Variants in MIPOL1 observed in about 807,000 individuals in gnomAD.
MIPOL1 encodes mirror-image polydactyly gene 1 protein.
In MIPOL1, 57 loss-of-function variants were observed where a neutral mutation model predicts 60.9. The ratio of observed to expected loss-of-function variants is 0.94; its 90% confidence interval spans 0.76 to 1.17. MIPOL1 has a LOEUF of 1.17. Ranked by LOEUF, MIPOL1 falls within the 50% of genes most tolerant of loss-of-function variation. The pLI, the probability that MIPOL1 is intolerant of heterozygous loss-of-function variation, is 0.00. For synonymous variants in MIPOL1, 179 were observed against 168.8 expected, an observed-to-expected ratio of 1.06 and a Z score of -0.47; for missense variants, 551 against 511.6, an observed-to-expected ratio of 1.08 and a Z score of -0.74.
intron 1 of MIPOL1, among the ~76,000 whole-genome samples, chr14:37,209,966 C>T (rs1966670534): frequency 6.6e-6 from 1 of 151,924 alleles, no homozygotes; most frequent in South Asian, 2.1e-4. Flanking sequence ...CCACCTTGGA[C>T]TCTCAAAGTA....
intron 11 of MIPOL1, among the ~76,000 whole-genome samples, chr14:37,482,982 C>G (rs2094893562): frequency 1.3e-5 from 2 of 152,086 alleles, no homozygotes; most frequent in African/African-American, 4.8e-5. Context: ...TATGCACATC[C>G]TCCTATATAC....
chr14:37,263,319 C>T (rs1230984123), intron 3 of MIPOL1, among the ~76,000 whole-genome samples: 1 of 152,102 alleles, frequency 6.6e-6, no homozygotes, highest in Non-Finnish European at 1.5e-5. Flanking sequence ...ATCCTCAAAG[C>T]ATACAATGCA....
At chr14:37,363,021 C>G (rs2092333312) in intron 9 of MIPOL1, among the ~76,000 whole-genome samples, 1 of 152,036 alleles carries the variant, frequency 6.6e-6, no homozygotes, top group Non-Finnish European at 1.5e-5. Flanking sequence ...AACCTTTTTT[C>G]AAGATTTTTA....
chr14:37,409,601 C>A (rs544629821), intron 10 of MIPOL1, among the ~76,000 whole-genome samples: 1 of 152,104 alleles, frequency 6.6e-6, no homozygotes, highest in Non-Finnish European at 1.5e-5. Context: ...TTCTGGCCAA[C>A]ATGGTGAAAC....
intron 1 of MIPOL1, among the ~76,000 whole-genome samples, chr14:37,222,485 G>C (rs148513652): frequency 1.3e-5 from 2 of 151,216 alleles, no homozygotes; most frequent in African/African-American, 4.9e-5. Context: ...ATTTTGCTTA[G>C]AAATTTCTTC....
At chr14:37,371,636 C>A (rs1212102007) in intron 10 of MIPOL1, among the ~76,000 whole-genome samples, 1 of 152,024 alleles carries the variant, frequency 6.6e-6, no homozygotes, top group Non-Finnish European at 1.5e-5. Context: ...TTCATTTAAG[C>A]TTGTTTTAAA....
chr14:37,507,133 A>G (rs1018666541), intron 12 of MIPOL1: 1 of 152,178 alleles, frequency 6.6e-6, no homozygotes, highest in Admixed American at 6.5e-5. Context: ...GTGGAGAAAT[A>G]GGAACGCTTT....
At chr14:37,328,653 AACAG>A (rs1196676590) in intron 9 of MIPOL1, among the ~76,000 whole-genome samples, 1 of 152,204 alleles carries the variant, frequency 6.6e-6, no homozygotes, top group Non-Finnish European at 1.5e-5. Context: ...TCATGTCAGT[AACAG>A]ACAGTTTTGG....
chr14:37,286,322 A>G (rs2084562033), intron 7 of MIPOL1, among the ~76,000 whole-genome samples: 1 of 152,170 alleles, frequency 6.6e-6, no homozygotes. Flanking sequence ...TCAAATTCTA[A>G]TGTACAATCT....
At chr14:37,316,849 G>A (rs2087962230) in intron 9 of MIPOL1, among the ~76,000 whole-genome samples, 1 of 151,946 alleles carries the variant, frequency 6.6e-6, no homozygotes, top group Admixed American at 6.6e-5. Context: ...GCAGTGGCAG[G>A]CACCTATAAT....
intron 12 of MIPOL1, among the ~76,000 whole-genome samples, chr14:37,510,943 G>A (rs1455548475): frequency 6.6e-6 from 1 of 152,042 alleles, no homozygotes; most frequent in Non-Finnish European, 1.5e-5. Flanking sequence ...AGCTGGCAGT[G>A]CTTACTTCCT....
At chr14:37,297,455 G>A (rs1424725569) in intron 7 of MIPOL1, among the ~76,000 whole-genome samples, 6 of 152,076 alleles carry the variant, frequency 3.9e-5, no homozygotes, top group African/African-American at 1.4e-4. Flanking sequence ...TTCTGGCCAG[G>A]GCAATCAGGC....
At chr14:37,255,983 T>G (rs1974853995) in intron 3 of MIPOL1, among the ~76,000 whole-genome samples, 6 of 151,760 alleles carry the variant, frequency 4.0e-5, no homozygotes, top group Admixed American at 1.3e-4. Flanking sequence ...AGAAACAATG[T>G]TTTTGCTACT....
intron 2 of MIPOL1, among the ~76,000 whole-genome samples, chr14:37,247,594 A>C (rs183335893): frequency 6.6e-6 from 1 of 152,142 alleles, no homozygotes; most frequent in Non-Finnish European, 1.5e-5. Flanking sequence ...AATCAGCATG[A>C]ATGTCTAAAA....
At chr14:37,439,529 A>G (rs181969190) in intron 11 of MIPOL1, among the ~76,000 whole-genome samples, 208 of 152,342 alleles carry the variant, frequency 1.4e-3, no homozygotes, top group African/African-American at 4.9e-3. Context: ...AATACTTTAT[A>G]TAAAATTTAA....
Position 37,422,926 on chromosome 14 carries a change from C to T in MIPOL1, c.1008C>T (p.Ile336=). The T allele has an allele frequency of 6.2e-7, 1 of 1,606,360 alleles. No homozygotes were observed. The highest frequency in any genetic ancestry group is 8.5e-7 in the Non-Finnish European group (1 of 1,175,258). The change falls in exon 11 of 13, where the codon ATC becomes ATT. Residue 336 remains isoleucine (I), a synonymous_variant. Coordinates refer to ENST00000684589, the MANE Select transcript of MIPOL1 (RefSeq NM_001388067.1). ...VQQYKKLEEE[I]QTLRVYYSLH... ...AGTACAAAAAACTGGAAGAGGAAAT[C>T]CAGACCCTTCGAGTTTACTACAGGT... is the stretch of plus-strand genomic sequence containing the variant.
chr14:37,311,646 A>G (rs556302210), intron 9 of MIPOL1, among the ~76,000 whole-genome samples: 1 of 152,322 alleles, frequency 6.6e-6, no homozygotes, highest in African/African-American at 2.4e-5. Context: ...TTTTAAAAAT[A>G]AATTTGTTGG....
At chr14:37,424,435 G>T (rs1955948) in intron 11 of MIPOL1, among the ~76,000 whole-genome samples, 150,341 of 152,130 alleles carry the variant, frequency 0.99, 74,311 homozygotes, top group Middle Eastern at 1. Flanking sequence ...AGCCAAGGAG[G>T]GCCAACAATT....
At chr14:37,415,815 A>G (rs1025904480) in intron 10 of MIPOL1, among the ~76,000 whole-genome samples, 7 of 152,158 alleles carry the variant, frequency 4.6e-5, no homozygotes, top group African/African-American at 1.4e-4. Context: ...TAGAATAGTA[A>G]TAGTAGCTAC....
Sources: allele counts gnomAD v4.1 joint callset (sites outside exome capture counted in the v4.1 genomes callset), GRCh38; gene constraint gnomAD v4.1.1; transcripts MANE v1.5; gene names NCBI Gene and HGNC (gene_info 2026-07-23, HGNC 2026-07-21).